Variants in PLEKHA5 observed in about 807,000 individuals in gnomAD.
PLEKHA5 encodes pleckstrin homology domain-containing family A member 5.
PLEKHA5 carries 55 observed loss-of-function variants against 181.9 expected under a neutral mutation model. The ratio of observed to expected loss-of-function variants is 0.30; its 90% CI spans 0.24 to 0.38. The LOEUF (loss-of-function observed/expected upper bound fraction) is 0.38, where lower values mean the gene tolerates loss of function less well. Among genes scored for constraint, PLEKHA5 ranks in the 10% least tolerant of loss-of-function variants. The probability of loss-of-function intolerance (pLI) is 1.00; values close to 1 mark genes in which losing one functional copy is unlikely to be tolerated. For synonymous variants in PLEKHA5, 535 were observed against 529.4 expected (o/e 1.01, Z -0.15); for missense variants, 1,432 against 1,549.5 (o/e 0.92, Z 1.27).
chr12:19,294,682 A>G (rs1216921848), intron 15 of PLEKHA5, among the ~76,000 whole-genome samples: 2 of 152,200 alleles, frequency 1.3e-5, no homozygotes, highest in Non-Finnish European at 2.9e-5. Context: ...AGTATTCACA[A>G]AACACATAGA....
chr12:19,130,872 C>G lies in PLEKHA5; in HGVS notation c.169+742C>G, dbSNP rs1286119730. The G allele has an allele frequency of 6.6e-6, 1 of 152,250 alleles. No individual in the cohort carries two copies. Among genetic ancestry groups the G allele is most frequent in the East Asian group, 1.9e-4 (1 of 5,180 alleles). The allele number at this position is 152,250 out of a possible 1,614,324, so 9.4% of individuals were successfully genotyped here. ...CCCCGCCAGCCGCACGGAGGTTGCA[C>G]AGACTGCCAGGAGGCGGTGGGCGTG... On this transcript the variant is annotated intron_variant, in intron 2 of 31. Transcript: ENST00000429027. The surrounding 1 kb of genome is among the most constrained non-coding windows in gnomAD (Gnocchi z 4.5).
At chr12:19,354,099 T>A (rs2153224295) in intron 26 of PLEKHA5, 97 bp downstream of exon 26, 1 of 434,616 alleles carries the variant, frequency 2.3e-6, no homozygotes, top group South Asian at 3.5e-5. Flanking sequence ...AAATTATTTT[T>A]GCATACTCAA....
intron 3 of PLEKHA5, among the ~76,000 whole-genome samples, chr12:19,186,239 T>C (rs1369327337): frequency 6.6e-6 from 1 of 152,208 alleles, no homozygotes; most frequent in Non-Finnish European, 1.5e-5. Context: ...TATAGAAATA[T>C]AATTCAATAA....
At chr12:19,274,127 C>T (rs574987449) in intron 10 of PLEKHA5, among the ~76,000 whole-genome samples, 59 of 152,346 alleles carry the variant, frequency 3.9e-4, no homozygotes, top group Admixed American at 2.0e-3. Flanking sequence ...TCTCATGAGT[C>T]AACAAGCAGC....
intron 15 of PLEKHA5, among the ~76,000 whole-genome samples, chr12:19,311,373 G>T (rs2086463822): frequency 6.6e-6 from 1 of 151,556 alleles, no homozygotes; most frequent in Non-Finnish European, 1.5e-5. Flanking sequence ...AGGAGAGGAG[G>T]TCAAGGCTGC....
chr12:19,130,085 G>T lies in PLEKHA5; in HGVS notation c.124G>T (p.Val42Phe). Reference sequence around the variant, plus strand: ...CAAGAGCACCACCTGGCTGCACCCCGTCACCGGCGAGGCGGTGGTCACCGG... The same window carrying T: ...CAAGAGCACCACCTGGCTGCACCCCTTCACCGGCGAGGCGGTGGTCACCGG... ...EAKSTTWLHP[V>F]TGEAVVTGHR... The change falls in exon 2 of 32, where the codon GTC becomes TTC. Residue 42 changes from valine to phenylalanine, a missense_variant. Coordinates refer to ENST00000429027, the MANE Select transcript of PLEKHA5 (RefSeq NM_001256470.2). This position sits in a 1 kb window ranked among gnomAD's most constrained non-coding sequence, Gnocchi z 4.5. 6.3e-7 allele frequency: 1 copy of T among 1,590,568 alleles called. No homozygotes were observed. Among genetic ancestry groups the T allele is most frequent in the Non-Finnish European group, 8.5e-7 (1 of 1,170,078 alleles).
At chr12:19,215,546 A>C (rs1275809933) in intron 3 of PLEKHA5, among the ~76,000 whole-genome samples, 1 of 152,214 alleles carries the variant, frequency 6.6e-6, no homozygotes, top group African/African-American at 2.4e-5. Context: ...ACTTTTTAAA[A>C]ATTGTAAAGC....
intron 14 of PLEKHA5, 118 bp downstream of exon 14, chr12:19,290,914 T>G (rs760656233): frequency 1.9e-5 from 16 of 835,288 alleles, no homozygotes; most frequent in Non-Finnish European, 2.6e-5. Context: ...ATCATTATAG[T>G]GACAACATTA....
chr12:19,183,695 GGA>G (rs2049135605), intron 3 of PLEKHA5, among the ~76,000 whole-genome samples: 3 of 151,922 alleles, frequency 2.0e-5, no homozygotes, highest in Non-Finnish European at 2.9e-5. Flanking sequence ...TACTTACAAG[GGA>G]AAATTTTTTT....
chr12:19,322,675 G>T lies in PLEKHA5; in HGVS notation c.2448+8G>T. ...CTTTCTCGAGCCACTGCCGTAAGTA[G>T]ATTTTTTTTTTCCCCTAATAAAAGT... On this transcript the variant is annotated splice_region_variant and intron_variant, in intron 20 of 31. Transcript: ENST00000429027. 6.3e-7 allele frequency: 1 copy of T among 1,593,650 alleles called. No individual in the cohort carries two copies. Among genetic ancestry groups the T allele is most frequent in the South Asian group, 1.2e-5 (1 of 86,468 alleles).
intron 20 of PLEKHA5, among the ~76,000 whole-genome samples, chr12:19,323,846 G>A (rs7952996): frequency 0.91 from 137,087 of 149,920 alleles, 63,530 homozygotes; most frequent in Middle Eastern, 1. Context: ...AGAAATGTAC[G>A]TAACAGAACC....
At chr12:19,212,157 C>G (rs2057038141) in intron 3 of PLEKHA5, among the ~76,000 whole-genome samples, 1 of 152,164 alleles carries the variant, frequency 6.6e-6, no homozygotes, top group Non-Finnish European at 1.5e-5. Context: ...GTAATTCAGT[C>G]ACATCTGCTA....
chr12:19,199,499 G>T (rs912650320), intron 3 of PLEKHA5, among the ~76,000 whole-genome samples: 8 of 152,110 alleles, frequency 5.3e-5, no homozygotes, highest in Non-Finnish European at 1.0e-4. Context: ...TCAAGATCCT[G>T]TTGCCACTGG....
Position 19,358,329 on chromosome 12 carries a change from A to G in PLEKHA5, c.3240A>G (p.Gln1080=). The change falls in exon 27 of 32, where the codon CAA becomes CAG. Residue 1080 remains glutamine, a synonymous_variant. Coordinates refer to ENST00000429027, the MANE Select transcript of PLEKHA5 (RefSeq NM_001256470.2). ...EQMERIRRHQ[Q]ACLREKKKGL... ...TGGAAAGAATAAGAAGACATCAACA[A>G]GCGTGCCTGAGGGAGAAGAAAAAAG... 1 of 1,613,778 alleles carries G rather than the reference A, an allele frequency of 6.2e-7. No homozygotes were observed. The highest frequency in any genetic ancestry group is 8.5e-7 in the Non-Finnish European group (1 of 1,179,718).
intron 3 of PLEKHA5, among the ~76,000 whole-genome samples, chr12:19,197,728 GTGTGTT>G (rs1327494300): frequency 4.6e-4 from 48 of 104,210 alleles, no homozygotes; most frequent in African/African-American, 2.1e-3. Flanking sequence ...GTGTGTGTGT[GTGTGTT>G]TAAGTCGCCT....
intron 16 of PLEKHA5, among the ~76,000 whole-genome samples, chr12:19,319,259 A>C (rs1456841034): frequency 1.3e-5 from 2 of 152,206 alleles, no homozygotes; most frequent in Non-Finnish European, 2.9e-5. Context: ...GTGGTTTAAC[A>C]ATCACTGCAT....
chr12:19,269,764 A>G lies in PLEKHA5; in HGVS notation c.712-6A>G. 6.8e-7 allele frequency: 1 copy of G among 1,461,410 alleles called. No homozygotes were observed. The highest frequency in any genetic ancestry group is 1.4e-5 in the African/African-American group (1 of 71,626). The allele number at this position is 1,461,410 out of a possible 1,614,324, so 90.5% of individuals were successfully genotyped here. On this transcript the variant is annotated splice_region_variant and splice_polypyrimidine_tract_variant and intron_variant, in intron 8 of 31. Transcript: ENST00000429027. ...TATTTAAAATGATCGTGTCATTTTC[A>G]ATCAGGCAGCCCATCCAAACATGCG...
chr12:19,333,700 C>G (rs2093081107), intron 20 of PLEKHA5, among the ~76,000 whole-genome samples: 1 of 151,760 alleles, frequency 6.6e-6, no homozygotes, highest in African/African-American at 2.4e-5. Flanking sequence ...CCTCCACCCC[C>G]CAGGTTCAAG....
intron 3 of PLEKHA5, among the ~76,000 whole-genome samples, chr12:19,157,097 TACACAC>T (rs3056384): frequency 2.4e-4 from 35 of 143,290 alleles, no homozygotes; most frequent in Non-Finnish European, 4.4e-4. Context: ...TATATGTACA[TACACAC>T]ACACACACAC....
Sources: allele counts gnomAD v4.1 joint callset (sites outside exome capture counted in the v4.1 genomes callset), GRCh38; gene constraint gnomAD v4.1.1; non-coding constraint Gnocchi (gnomAD v3.1); transcripts MANE v1.5; gene names NCBI Gene and HGNC (gene_info 2026-07-23, HGNC 2026-07-21).